RFX3: variants seen among roughly 807,000 people sequenced by gnomAD.
The protein encoded by RFX3 is regulatory factor X3.
RFX3 carries 14 observed loss-of-function variants against 98.6 expected under a neutral mutation model. The ratio of observed to expected loss-of-function variants is 0.14; its 90% CI spans 0.09 to 0.22. The LOEUF (loss-of-function observed/expected upper bound fraction) is 0.22. Among genes scored for constraint, RFX3 ranks in the 10% least tolerant of loss-of-function variants. The pLI is 1.00. For missense variants in RFX3, 639 were observed against 926.9 expected, an observed-to-expected ratio of 0.69 and a Z score of 4.03; for synonymous variants, 383 against 328.4, an observed-to-expected ratio of 1.17 and a Z score of -1.80.
At chr9:3,489,748 T>C (rs1161687501) in intron 1 of RFX3, among the ~76,000 whole-genome samples, 2 of 152,188 alleles carry the variant, frequency 1.3e-5, no homozygotes, top group African/African-American at 2.4e-5. Flanking sequence ...CATATGGGTA[T>C]CAAAGGACAG....
At chr9:3,372,653 T>G (rs562213897) in intron 2 of RFX3, among the ~76,000 whole-genome samples, 3 of 151,636 alleles carry the variant, frequency 2.0e-5, no homozygotes, top group Non-Finnish European at 2.9e-5. Context: ...GTTTGAGAGA[T>G]TCTCCTGCCT....
At chr9:3,384,752 T>C (rs1839529695) in intron 2 of RFX3, among the ~76,000 whole-genome samples, 1 of 152,170 alleles carries the variant, frequency 6.6e-6, no homozygotes, top group Non-Finnish European at 1.5e-5. Context: ...CCAAGACACC[T>C]GTCCAGGTGC....
intron 1 of RFX3, among the ~76,000 whole-genome samples, chr9:3,491,784 T>G (rs760892005): frequency 3.9e-5 from 6 of 152,228 alleles, no homozygotes; most frequent in African/African-American, 1.4e-4. Context: ...TCACTCATCT[T>G]AACTTTAAAA....
chr9:3,383,537 C>T (rs951700237), intron 2 of RFX3, among the ~76,000 whole-genome samples: 53 of 150,322 alleles, frequency 3.5e-4, no homozygotes, highest in Non-Finnish European at 5.5e-4. Flanking sequence ...TTGAGAATGA[C>T]TCTTGGCCAA....
In RFX3 at chr9:3,424,883, T is replaced by C. The variant is rs147356403; in HGVS notation, c.-8-29287A>G. 2.5e-3 allele frequency among the ~76,000 whole-genome samples: 376 copies of C among 152,254 alleles called. 1 individual carries two copies. The highest frequency in any genetic ancestry group is 8.4e-3 in the African/African-American group (350 of 41,548). On this transcript the variant is annotated intron_variant, in intron 1 of 16. Coordinates refer to ENST00000617270, the MANE Select transcript of RFX3 (RefSeq NM_001282116.2). ...CTAGTCTCAAGATAAAAACTTCAAG[T>C]GGCGATGAGAGTTTAGGGCTTGTTT...
intron 1 of RFX3, among the ~76,000 whole-genome samples, chr9:3,433,089 G>A (rs756686549): frequency 2.6e-5 from 4 of 151,986 alleles, no homozygotes; most frequent in African/African-American, 7.3e-5. Flanking sequence ...ACAAAAAGGC[G>A]GCCCCATACA....
At chr9:3,398,663 A>G (rs906486506) in intron 1 of RFX3, among the ~76,000 whole-genome samples, 1 of 152,100 alleles carries the variant, frequency 6.6e-6, no homozygotes, top group Non-Finnish European at 1.5e-5. Flanking sequence ...CTCGCACTAA[A>G]TCTGCCTCCT....
Position 3,221,860 on chromosome 9 carries a change from T to C in RFX3, c.*3182A>G, listed in dbSNP as rs1817356508. ...CAGTCAACATACCTTCCTTACATTC[T>C]TCCTCACTGAAAGTGTAGGACTTGG... On this transcript the variant is annotated 3_prime_UTR_variant, in exon 17 of 17. Transcript: ENST00000617270. 3 of 152,174 alleles carry C rather than the reference T, an allele frequency of 2.0e-5. No individual in the cohort carries two copies. Among genetic ancestry groups the C allele is most frequent in the Non-Finnish European group, 2.9e-5 (2 of 68,010 alleles). The allele number at this position is 152,174 out of a possible 1,614,324, so 9.4% of individuals were successfully genotyped here.
At chr9:3,270,652 C>A in intron 10 of RFX3, 127 bp from the exon 11 acceptor site, 1 of 904,502 alleles carries the variant, frequency 1.1e-6, no homozygotes, top group Non-Finnish European at 1.7e-6. Flanking sequence ...TGCACTGGTG[C>A]CATACAGCTG....
chr9:3,508,100 C>T (rs186779054), intron 1 of RFX3, among the ~76,000 whole-genome samples: 10 of 151,998 alleles, frequency 6.6e-5, no homozygotes, highest in Admixed American at 3.3e-4. Context: ...TGAGCTATTT[C>T]TAAAAATTCA....
Position 3,444,703 on chromosome 9 carries a change from G to A in RFX3, c.-8-49107C>T, listed in dbSNP as rs542244667. ...CCTGGCATTTGCCAAACAGCTGATG[G>A]CACAGCAAGTAAAATGCTGATTAGA... is the stretch of plus-strand genomic sequence containing the variant. On this transcript the variant is annotated intron_variant, in intron 1 of 16. Coordinates refer to ENST00000617270, the MANE Select transcript of RFX3 (RefSeq NM_001282116.2). Among the ~76,000 whole-genome samples the A allele has an allele frequency of 2.6e-5, 4 of 152,320 alleles. No individual in the cohort carries two copies. The East Asian group carries it at 7.7e-4, about 29-fold the overall frequency.
At chr9:3,253,001 A>C (rs1327108710) in intron 14 of RFX3, among the ~76,000 whole-genome samples, 1 of 152,236 alleles carries the variant, frequency 6.6e-6, no homozygotes, top group African/African-American at 2.4e-5. Flanking sequence ...TTTAATTGGA[A>C]TCCTATTGTC....
At chr9:3,509,953 T>A (rs1252066823) in intron 1 of RFX3, among the ~76,000 whole-genome samples, 1 of 151,956 alleles carries the variant, frequency 6.6e-6, no homozygotes, top group Non-Finnish European at 1.5e-5. Context: ...AAGGAGGGGT[T>A]CAACTTGATA....
intron 6 of RFX3, among the ~76,000 whole-genome samples, chr9:3,290,322 T>A (rs1252296078): frequency 6.6e-6 from 1 of 152,152 alleles, no homozygotes; most frequent in Non-Finnish European, 1.5e-5. Flanking sequence ...GTATGGATTC[T>A]ACTCATTCAC....
intron 15 of RFX3, among the ~76,000 whole-genome samples, chr9:3,243,430 G>C (rs769118307): frequency 6.6e-6 from 1 of 151,860 alleles, no homozygotes; most frequent in Non-Finnish European, 1.5e-5. Context: ...TCTTGGGACT[G>C]TGAAGCTGTT....
chr9:3,420,460 A>C lies in RFX3; in HGVS notation c.-8-24864T>G, dbSNP rs573761778. On this transcript the variant is annotated intron_variant, in intron 1 of 16. Transcript: ENST00000617270. ...AAAATATTTTTACATACATTATTTT[A>C]TTTGAACCCCACAACAGCCCTTTTA... is the stretch of plus-strand genomic sequence containing the variant. Among the ~76,000 whole-genome samples, 3 of 152,348 alleles carry C rather than the reference A, an allele frequency of 2.0e-5. 1 individual carries two copies. The South Asian group carries it at 6.2e-4, about 32-fold the overall frequency.
chr9:3,433,222 G>T (rs1844809532), intron 1 of RFX3, among the ~76,000 whole-genome samples: 2 of 151,890 alleles, frequency 1.3e-5, no homozygotes, highest in African/African-American at 4.8e-5. Flanking sequence ...TTTCCATAAA[G>T]TCACACAAAG....
At chr9:3,416,582 G>T (rs1048957663) in intron 1 of RFX3, among the ~76,000 whole-genome samples, 14 of 152,120 alleles carry the variant, frequency 9.2e-5, no homozygotes, top group African/African-American at 2.9e-4. Context: ...TTCCAGTATG[G>T]TCCTCTATCC....
At chr9:3,447,084 T>C (rs563719044) in intron 1 of RFX3, among the ~76,000 whole-genome samples, 3 of 152,248 alleles carry the variant, frequency 2.0e-5, no homozygotes, top group African/African-American at 7.2e-5. Context: ...GTCTATGAAA[T>C]TAATGCCTTA....
Sources: gnomAD v4.1 joint callset for allele counts (sites outside exome capture counted in the v4.1 genomes callset) on GRCh38, gnomAD v4.1.1 for gene constraint, MANE v1.5 for transcripts, NCBI Gene and HGNC (gene_info 2026-07-23, HGNC 2026-07-21) for gene names.